The following PDE1C variants were observed in gnomAD, a reference collection of about 807,000 sequenced individuals.
PDE1C encodes the protein dual specificity calcium/calmodulin-dependent 3',5'-cyclic nucleotide phosphodiesterase 1C.
In PDE1C, 62 loss-of-function variants were observed where a neutral mutation model predicts 93.1. The ratio of observed to expected loss-of-function variants is 0.67; its 90% CI spans 0.54 to 0.82. The LOEUF (loss-of-function observed/expected upper bound fraction) is 0.82, where lower values mean the gene tolerates loss of function less well. Ranked by LOEUF, PDE1C falls within the 40% of genes least tolerant of loss-of-function variation. PDE1C has a pLI of 0.00. For missense variants in PDE1C, 742 were observed against 884.6 expected (o/e 0.84, Z 2.04); for synonymous variants, 325 against 310.1 (o/e 1.05, Z -0.50).
intron 1 of PDE1C, among the ~76,000 whole-genome samples, chr7:32,402,673 T>C (rs1355753796): frequency 6.6e-6 from 1 of 152,186 alleles, no homozygotes; most frequent in African/African-American, 2.4e-5. Context: ...CATCCCTTAG[T>C]GCAGTCAAGT....
At chr7:31,973,811 G>C (rs1197882507) in intron 2 of PDE1C, among the ~76,000 whole-genome samples, 1 of 152,122 alleles carries the variant, frequency 6.6e-6, no homozygotes, top group African/African-American at 2.4e-5. Context: ...ATGATGCCTG[G>C]AAGTGGTCTA....
intron 2 of PDE1C, among the ~76,000 whole-genome samples, chr7:31,993,764 C>G (rs1429676754): frequency 6.6e-6 from 1 of 152,126 alleles, no homozygotes; most frequent in African/African-American, 2.4e-5. Flanking sequence ...AAAACTTATC[C>G]TCACTTTGTG....
chr7:31,642,766 C>T, the PDE1C span: 1 of 1,613,986 alleles, frequency 6.2e-7, no homozygotes, highest in Non-Finnish European at 8.5e-7. Flanking sequence ...AGTATCATCC[C>T]AGGACTGTCA....
At chr7:31,907,700 G>GA (rs1426118755) in intron 2 of PDE1C, among the ~76,000 whole-genome samples, 1 of 151,840 alleles carries the variant, frequency 6.6e-6, no homozygotes, top group South Asian at 2.1e-4. Flanking sequence ...ATGTGAATGT[G>GA]AAAAAAATCC....
chr7:32,065,045 C>T (rs30591), intron 1 of PDE1C, among the ~76,000 whole-genome samples: 17,121 of 39,712 alleles, frequency 0.43, 1,624 homozygotes, highest in East Asian at 0.61. Flanking sequence ...TCTGACGGAA[C>T]GGCGGTGGGG....
intron 3 of PDE1C, among the ~76,000 whole-genome samples, chr7:32,163,935 G>T (rs2128800088): frequency 1.3e-5 from 2 of 152,222 alleles, no homozygotes; most frequent in East Asian, 3.9e-4. Context: ...ACCTTCTTTG[G>T]CCCACTTAAT....
chr7:31,990,545 C>T (rs932605994), intron 2 of PDE1C, among the ~76,000 whole-genome samples: 6 of 151,634 alleles, frequency 4.0e-5, no homozygotes, highest in African/African-American at 1.5e-4. Context: ...GATGGCTAAC[C>T]CACACTCTCA....
chr7:32,127,516 T>G (rs1799654656), intron 3 of PDE1C, among the ~76,000 whole-genome samples: 1 of 152,002 alleles, frequency 6.6e-6, no homozygotes, highest in Admixed American at 6.6e-5. Context: ...TGGGTTAATC[T>G]TCAAATGCTA....
intron 2 of PDE1C, among the ~76,000 whole-genome samples, chr7:31,904,493 C>A (rs1198160022): frequency 6.6e-6 from 1 of 151,424 alleles, no homozygotes; most frequent in Non-Finnish European, 1.5e-5. Flanking sequence ...AAAAAAAAAT[C>A]TAAATCCACT....
upstream of PDE1C, among the ~76,000 whole-genome samples, chr7:32,073,665 T>G (rs1796187096): frequency 6.6e-6 from 1 of 152,176 alleles, no homozygotes; most frequent in African/African-American, 2.4e-5. Flanking sequence ...AACTTTGTCT[T>G]CTCTCTGCCA....
intron 1 of PDE1C, among the ~76,000 whole-genome samples, chr7:32,357,793 T>A (rs567888950): frequency 3.2e-4 from 48 of 152,282 alleles, no homozygotes; most frequent in African/African-American, 1.1e-3. Flanking sequence ...AACCTATCAA[T>A]GGCCCTTCCA....
At chr7:32,212,041 A>G (rs574699710) in intron 1 of PDE1C, among the ~76,000 whole-genome samples, 212 of 151,362 alleles carry the variant, frequency 1.4e-3, no homozygotes, top group African/African-American at 4.8e-3. Flanking sequence ...AAAAAAAAAA[A>G]AAAAGAAAGA....
At chr7:31,886,770 A>G (rs75269288) in intron 2 of PDE1C, among the ~76,000 whole-genome samples, 18 of 14,224 alleles carry the variant, frequency 1.3e-3, no homozygotes, top group Admixed American at 1.1e-3. Context: ...TGATCTATTC[A>G]GATCTATTCA....
chr7:32,071,047 G>T, upstream of PDE1C: 1 of 985,474 alleles, frequency 1.0e-6, no homozygotes, highest in Non-Finnish European at 1.2e-6. Context: ...CCGGGCTGGT[G>T]TCTGGGCTGT....
intron 2 of PDE1C, among the ~76,000 whole-genome samples, chr7:31,952,770 G>A (rs1056709853): frequency 6.6e-6 from 1 of 152,142 alleles, no homozygotes; most frequent in African/African-American, 2.4e-5. Flanking sequence ...AATGGAGCTT[G>A]AGGAAAATCA....
chr7:31,845,908 G>C (rs564841902), intron 9 of PDE1C, among the ~76,000 whole-genome samples: 1 of 152,016 alleles, frequency 6.6e-6, no homozygotes, highest in Non-Finnish European at 1.5e-5. Flanking sequence ...CAGGAGAATC[G>C]CTTGAATTTG....
chr7:31,890,331 C>T (rs1798469447), intron 2 of PDE1C, among the ~76,000 whole-genome samples: 1 of 152,214 alleles, frequency 6.6e-6, no homozygotes, highest in Admixed American at 6.5e-5. Context: ...ACTTCAACAT[C>T]TGTCTTAATA....
intron 16 of PDE1C, among the ~76,000 whole-genome samples, chr7:31,797,348 G>A (rs575483888): frequency 6.6e-6 from 1 of 151,838 alleles, no homozygotes; most frequent in East Asian, 1.9e-4. Context: ...GCTGCAGTGG[G>A]ATACCTTCCT....
intron 3 of PDE1C, among the ~76,000 whole-genome samples, chr7:32,145,284 A>G (rs979969107): frequency 2.2e-4 from 34 of 152,352 alleles, no homozygotes; most frequent in African/African-American, 8.2e-4. Context: ...GCAACTGCTC[A>G]CAGAGGTATT....
Sources: gnomAD v4.1 joint callset for allele counts (sites outside exome capture counted in the v4.1 genomes callset) on GRCh38, gnomAD v4.1.1 for gene constraint, MANE v1.5 for transcripts, NCBI Gene and HGNC (gene_info 2026-07-23, HGNC 2026-07-21) for gene names.